Variants in STAG1 observed in about 807,000 individuals in gnomAD.
STAG1 encodes the protein cohesin subunit SA-1.
In STAG1, 26 loss-of-function variants were observed where a neutral mutation model predicts 170.9. That is an observed-to-expected ratio of 0.15 (90% confidence interval 0.11 to 0.21). The LOEUF (loss-of-function observed/expected upper bound fraction) is 0.21. Ranked by LOEUF, STAG1 falls within the 10% of genes least tolerant of loss-of-function variation. STAG1 has a pLI of 1.00. For synonymous variants in STAG1, 514 were observed against 497.7 expected, an observed-to-expected ratio of 1.03 and a Z score of -0.44; for missense variants, 964 against 1,509.5, an observed-to-expected ratio of 0.64 and a Z score of 5.99.
At position 136,714,922 on chromosome 3, in the gene STAG1, A is replaced by C. The variant is rs1333196439; in HGVS notation, c.-84+37273T>G. On this transcript the variant is annotated intron_variant, in intron 1 of 33. Coordinates refer to ENST00000383202, the MANE Select transcript of STAG1 (RefSeq NM_005862.3). Reference sequence around the variant, plus strand: ...AGCCCCATCTCAAAAAAAAAAAAAAACAAATATATATATTAAATATATATA... The same window carrying C: ...AGCCCCATCTCAAAAAAAAAAAAAACCAAATATATATATTAAATATATATA... Among the ~76,000 whole-genome samples, 111 of 115,008 alleles carry C rather than the reference A, an allele frequency of 9.7e-4. 1 individual carries two copies. The highest frequency in any genetic ancestry group is 4.0e-3 in the African/African-American group (107 of 27,034). The allele number at this position is 115,008 out of a possible 152,430, so 75.4% of individuals were successfully genotyped here.
rs73863914 is a variant in STAG1, at chr3:136,710,234, A to C, written c.-84+41961T>G. Among the ~76,000 whole-genome samples the C allele has an allele frequency of 4.9e-3, 746 of 152,218 alleles. 8 individuals carry two copies. The highest frequency in any genetic ancestry group is 0.017 in the African/African-American group (726 of 41,548). Reference sequence around the variant, plus strand: ...TTAAGACCCAGAAAAGTTCACCCAAACACAATTCCAACATTAAGTTTTTAT... The same window carrying C: ...TTAAGACCCAGAAAAGTTCACCCAACCACAATTCCAACATTAAGTTTTTAT... On this transcript the variant is annotated intron_variant, in intron 1 of 33. Coordinates refer to ENST00000383202, the MANE Select transcript of STAG1 (RefSeq NM_005862.3).
chr3:136,663,352 T>C (rs1390776773), intron 1 of STAG1, among the ~76,000 whole-genome samples: 1 of 152,154 alleles, frequency 6.6e-6, no homozygotes, highest in African/African-American at 2.4e-5. Context: ...ATTCCTACTT[T>C]AGAATAAGCA....
At chr3:136,577,320 C>T (rs1050035947) in intron 4 of STAG1, among the ~76,000 whole-genome samples, 3 of 152,104 alleles carry the variant, frequency 2.0e-5, no homozygotes, top group African/African-American at 7.2e-5. Flanking sequence ...TGTTGAAAAT[C>T]AAGCCAATAA....
At chr3:136,653,131 G>A (rs1396735624) in intron 1 of STAG1, among the ~76,000 whole-genome samples, 1 of 152,088 alleles carries the variant, frequency 6.6e-6, no homozygotes, top group African/African-American at 2.4e-5. Flanking sequence ...AATTTGCCAG[G>A]CGTGGTGGTG....
chr3:136,574,246 A>C (rs1285350021), intron 4 of STAG1, among the ~76,000 whole-genome samples: 2 of 150,928 alleles, frequency 1.3e-5, no homozygotes, highest in African/African-American at 2.4e-5. Flanking sequence ...TGTCCCCCCA[A>C]AAAAAAAACC....
intron 14 of STAG1, among the ~76,000 whole-genome samples, chr3:136,451,330 T>C (rs537535153): frequency 6.6e-6 from 1 of 152,252 alleles, no homozygotes; most frequent in Non-Finnish European, 1.5e-5. Context: ...AATTAAAACA[T>C]GAATTTGTAT....
intron 6 of STAG1, among the ~76,000 whole-genome samples, chr3:136,528,494 A>AG (rs1935187096): frequency 1.4e-5 from 1 of 71,352 alleles, no homozygotes; most frequent in Non-Finnish European, 2.6e-5. Flanking sequence ...ATGTCCCCGC[A>AG]CCCCCCCCCC....
chr3:136,541,667 A>G (rs1935913794), intron 6 of STAG1, among the ~76,000 whole-genome samples: 1 of 151,974 alleles, frequency 6.6e-6, no homozygotes, highest in Admixed American at 6.6e-5. Flanking sequence ...TTTCTTAATT[A>G]GGATGTCTTG....
At position 136,470,569 on chromosome 3, in the gene STAG1, A is replaced by T. The variant is rs1019384318; in HGVS notation, c.1205+1844T>A. Among the ~76,000 whole-genome samples, 33 of 152,196 alleles carry T rather than the reference A, an allele frequency of 2.2e-4. 2 individuals are homozygous for T. The highest frequency in any genetic ancestry group is 2.1e-4 in the South Asian group (1 of 4,832). On this transcript the variant is annotated intron_variant, in intron 12 of 33. Transcript: ENST00000383202. ...TAAACTAGTTCAACCATTGTGGAAG[A>T]CAGTGTGGCGATTCCTCAAGGATCT...
At chr3:136,416,348 T>C (rs2107719166) in intron 21 of STAG1, among the ~76,000 whole-genome samples, 1 of 152,310 alleles carries the variant, frequency 6.6e-6, no homozygotes, top group African/African-American at 2.4e-5. Context: ...GTATGTACTT[T>C]TATCCAACAA....
At chr3:136,550,554 G>A (rs6769934) in intron 5 of STAG1, among the ~76,000 whole-genome samples, 55,032 of 151,952 alleles carry the variant, frequency 0.36, 10,993 homozygotes, top group African/African-American at 0.52. Context: ...TGATCCACCT[G>A]CCTCAGCCTC....
intron 22 of STAG1, among the ~76,000 whole-genome samples, chr3:136,378,131 T>C (rs557340733): frequency 6.6e-6 from 1 of 152,328 alleles, no homozygotes; most frequent in Middle Eastern, 3.4e-3. Context: ...AACAAATGTG[T>C]ACTGAATTTA....
At chr3:136,648,524 A>G (rs937154925) in intron 1 of STAG1, among the ~76,000 whole-genome samples, 8 of 152,222 alleles carry the variant, frequency 5.3e-5, no homozygotes, top group African/African-American at 1.2e-4. Flanking sequence ...CCACAAATTG[A>G]GCTTCTTTTC....
chr3:136,520,734 TTTAAG>T (rs1240791475), intron 7 of STAG1, among the ~76,000 whole-genome samples: 1 of 152,116 alleles, frequency 6.6e-6, no homozygotes, highest in Admixed American at 6.6e-5. Context: ...TTTGAGTATG[TTTAAG>T]TTATTATAGC....
intron 20 of STAG1, among the ~76,000 whole-genome samples, 179 bp from the exon 21 acceptor site, chr3:136,418,151 C>T (rs1461055691): frequency 4.0e-5 from 6 of 151,842 alleles, no homozygotes; most frequent in East Asian, 1.9e-4. Context: ...GTCAGGAGTT[C>T]GAGACCAGCC....
intron 1 of STAG1, among the ~76,000 whole-genome samples, chr3:136,691,082 G>C (rs1053114152): frequency 9.9e-5 from 15 of 151,852 alleles, no homozygotes; most frequent in African/African-American, 3.6e-4. Context: ...TGGAACACTT[G>C]AGCCCAGGAG....
intron 25 of STAG1, among the ~76,000 whole-genome samples, chr3:136,364,963 T>A (rs1937019199): frequency 6.6e-6 from 1 of 152,144 alleles, no homozygotes; most frequent in Non-Finnish European, 1.5e-5. Flanking sequence ...AACACTAAAG[T>A]ACTGGAGCAG....
chr3:136,656,945 AATAC>A (rs1270341180), intron 1 of STAG1, among the ~76,000 whole-genome samples: 1 of 152,082 alleles, frequency 6.6e-6, no homozygotes, highest in Admixed American at 6.5e-5. Context: ...AGCAAAAATA[AATAC>A]ATAAATGAAA....
At chr3:136,740,202 C>T (rs575517120) in intron 1 of STAG1, among the ~76,000 whole-genome samples, 75 of 151,408 alleles carry the variant, frequency 5.0e-4, no homozygotes, top group Non-Finnish European at 3.3e-4. Context: ...AAGATCACAC[C>T]ACTGCACTCC....
Sources: gnomAD v4.1 joint callset for allele counts (sites outside exome capture counted in the v4.1 genomes callset) on GRCh38, gnomAD v4.1.1 for gene constraint, MANE v1.5 for transcripts, NCBI Gene and HGNC (gene_info 2026-07-23, HGNC 2026-07-21) for gene names.